The following NTRK2 variants were observed in gnomAD, a reference collection of about 807,000 sequenced individuals.
NTRK2 encodes the protein neurotrophic receptor tyrosine kinase 2.
NTRK2 carries 13 observed loss-of-function variants against 94.5 expected under a neutral mutation model. The ratio of observed to expected loss-of-function variants is 0.14; its 90% CI spans 0.09 to 0.22. The LOEUF is 0.22. Among genes scored for constraint, NTRK2 ranks in the 10% least tolerant of loss-of-function variants. The pLI is 1.00. For missense variants in NTRK2, 639 were observed against 1,071.2 expected (o/e 0.60, Z 5.63); for synonymous variants, 372 against 407.4 (o/e 0.91, Z 1.05).
intron 12 of NTRK2, among the ~76,000 whole-genome samples, chr9:84,836,216 A>G (rs943643480): frequency 1.3e-5 from 2 of 152,184 alleles, no homozygotes; most frequent in Non-Finnish European, 2.9e-5. Flanking sequence ...AAGGCCGTGC[A>G]TGTTGATATG....
At chr9:84,760,021 G>A (rs1355048638) in intron 12 of NTRK2, among the ~76,000 whole-genome samples, 1 of 152,148 alleles carries the variant, frequency 6.6e-6, no homozygotes, top group Non-Finnish European at 1.5e-5. Context: ...TTGTCACGTG[G>A]CACTTCAGAA....
At chr9:84,695,251 G>C (rs34712720) in intron 2 of NTRK2, among the ~76,000 whole-genome samples, 1 of 151,986 alleles carries the variant, frequency 6.6e-6, no homozygotes, top group Non-Finnish European at 1.5e-5. Context: ...AGGTAATAAA[G>C]TCTAGGCTAA....
At chr9:84,833,092 T>G (rs2073663454) in intron 12 of NTRK2, among the ~76,000 whole-genome samples, 2 of 125,218 alleles carry the variant, frequency 1.6e-5, no homozygotes, top group East Asian at 2.7e-4. Flanking sequence ...TTGGGCCTCA[T>G]TGGTGGTGGT....
In NTRK2 at chr9:84,826,802, C is replaced by T. The variant is rs1274408806; in HGVS notation, c.1397-34238C>T. On this transcript the variant is annotated intron_variant, in intron 12 of 18. Coordinates refer to ENST00000277120, the MANE Select transcript of NTRK2 (RefSeq NM_006180.6). ...TCTATAGCTATTACCACCACTCATT[C>T]ATTCATTTAATAAAAATTTAAATCT... Among the ~76,000 whole-genome samples the T allele has an allele frequency of 3.9e-5, 6 of 152,188 alleles. No homozygotes were observed. The East Asian group carries it at 1.2e-3, about 29-fold the overall frequency.
chr9:84,758,387 T>TATC (rs1452628623), intron 12 of NTRK2, among the ~76,000 whole-genome samples: 1 of 151,086 alleles, frequency 6.6e-6, no homozygotes, highest in Non-Finnish European at 1.5e-5. Flanking sequence ...TTTTTGTAAT[T>TATC]ATTATTATTA....
At chr9:84,856,617 CG>C (rs1330142140) in intron 12 of NTRK2, among the ~76,000 whole-genome samples, 2 of 152,052 alleles carry the variant, frequency 1.3e-5, no homozygotes, top group African/African-American at 2.4e-5. Flanking sequence ...CAAAGCAGCC[CG>C]GGGACTCCTC....
At chr9:84,811,403 A>G (rs1043928233) in intron 12 of NTRK2, 1 of 1,066,134 alleles carries the variant, frequency 9.4e-7, no homozygotes. Flanking sequence ...AGTCAATTTC[A>G]GAATAACTAA....
chr9:84,735,876 G>A (rs2063222531), intron 9 of NTRK2, among the ~76,000 whole-genome samples: 1 of 152,204 alleles, frequency 6.6e-6, no homozygotes, highest in East Asian at 1.9e-4. Flanking sequence ...GAGATTAGAA[G>A]TGATGAAGGT....
intron 2 of NTRK2, among the ~76,000 whole-genome samples, chr9:84,692,292 A>G (rs2131559856): frequency 6.6e-6 from 1 of 152,292 alleles, no homozygotes; most frequent in African/African-American, 2.4e-5. Flanking sequence ...CATTATACCA[A>G]CTATCAAATT....
chr9:84,722,896 T>C (rs151181595), intron 6 of NTRK2, among the ~76,000 whole-genome samples: 1 of 152,300 alleles, frequency 6.6e-6, no homozygotes, highest in African/African-American at 2.4e-5. Flanking sequence ...CTGAAATGAG[T>C]CCAACCCATT....
At chr9:85,018,078 T>G (rs1387924) in intron 17 of NTRK2, among the ~76,000 whole-genome samples, 130,719 of 151,756 alleles carry the variant, frequency 0.86, 56,650 homozygotes, top group African/African-American at 0.95. Flanking sequence ...GAGGTTCCCA[T>G]AAAATGCTTG....
At chr9:84,722,849 A>G (rs1276017518) in intron 6 of NTRK2, among the ~76,000 whole-genome samples, 1 of 152,364 alleles carries the variant, frequency 6.6e-6, no homozygotes, top group East Asian at 1.9e-4. Context: ...TCTGATAAAT[A>G]CATTCTCAGA....
chr9:84,691,815 G>T (rs1246229764), intron 2 of NTRK2, among the ~76,000 whole-genome samples: 1 of 152,056 alleles, frequency 6.6e-6, no homozygotes, highest in African/African-American at 2.4e-5. Flanking sequence ...GTGACCAGAC[G>T]GCCTCCCCAG....
At position 84,891,611 on chromosome 9, in the gene NTRK2, A is replaced by G. The variant is rs541726507; in HGVS notation, c.1633+24180A>G. On this transcript the variant is annotated intron_variant, in intron 14 of 18. Transcript: ENST00000277120. ...AGGATTTTCTTCTTTTCTCAGCTGA[A>G]AGGTTAGGTCTTGGGACCCAGTAGG... Among the ~76,000 whole-genome samples the G allele has an allele frequency of 5.3e-5, 8 of 152,314 alleles. No individual in the cohort carries two copies. In the South Asian group the frequency reaches 1.7e-3, roughly 32 times the overall value.
At chr9:84,862,422 A>G (rs998873252) in intron 13 of NTRK2, among the ~76,000 whole-genome samples, 1 of 152,198 alleles carries the variant, frequency 6.6e-6, no homozygotes, top group African/African-American at 2.4e-5. Flanking sequence ...CTTCTGCTAA[A>G]TAGCAAGTCA....
At chr9:85,018,235 C>T (rs1197244069) in intron 17 of NTRK2, among the ~76,000 whole-genome samples, 2 of 152,096 alleles carry the variant, frequency 1.3e-5, no homozygotes, top group Non-Finnish European at 2.9e-5. Context: ...ATGGTTTGCT[C>T]ACACAATTAA....
At chr9:84,963,102 C>T (rs2133064748) in intron 17 of NTRK2, among the ~76,000 whole-genome samples, 2 of 152,362 alleles carry the variant, frequency 1.3e-5, no homozygotes, top group South Asian at 4.1e-4. Flanking sequence ...AACATTAAAA[C>T]TGCAATCCGA....
rs189187249 is a variant in NTRK2, at chr9:84,877,875, C to T, written c.1633+10444C>T. On this transcript the variant is annotated intron_variant, in intron 14 of 18. Coordinates refer to ENST00000277120, the MANE Select transcript of NTRK2 (RefSeq NM_006180.6). ...ATCATTCAGAGCCAAACGCATATAC[C>T]AATAAAGACAAGACTGTCATATATG... 4.1e-4 allele frequency: 418 copies of T among 1,029,204 alleles called. 3 individuals are homozygous for T. The African/African-American group carries it at 6.0e-3, about 15-fold the overall frequency. 63.8% of individuals were successfully genotyped at this position (1,029,204 alleles called of 1,614,324 possible).
intron 12 of NTRK2, among the ~76,000 whole-genome samples, chr9:84,833,908 C>G (rs188710504): frequency 2.0e-4 from 31 of 152,306 alleles, no homozygotes; most frequent in Admixed American, 1.1e-3. Flanking sequence ...CTGGGTGATT[C>G]CACTGTGCAG....
Sources: allele counts gnomAD v4.1 joint callset (sites outside exome capture counted in the v4.1 genomes callset), GRCh38; gene constraint gnomAD v4.1.1; transcripts MANE v1.5; gene names NCBI Gene and HGNC (gene_info 2026-07-23, HGNC 2026-07-21).